Variants in UNC5C observed in about 807,000 individuals in gnomAD.
The protein encoded by UNC5C is unc-5 netrin receptor C, also known as netrin receptor UNC5C.
A neutral mutation model predicts 99.8 loss-of-function variants in UNC5C; 47 were observed. The ratio of observed to expected loss-of-function variants is 0.47; its 90% CI spans 0.37 to 0.60. UNC5C has a LOEUF of 0.60. UNC5C is among the 20% of genes least tolerant of loss of function. UNC5C has a pLI of 0.00. For missense variants in UNC5C, 1,062 were observed against 1,165.9 expected (o/e 0.91, Z 1.30); for synonymous variants, 487 against 452.2 (o/e 1.08, Z -0.98).
chr4:95,539,925 C>CTTT (rs61346866), intron 1 of UNC5C, among the ~76,000 whole-genome samples: 1 of 145,792 alleles, frequency 6.9e-6, no homozygotes, highest in African/African-American at 2.5e-5. Context: ...CATCCTTCTA[C>CTTT]TTTTTTTTTT....
chr4:95,331,060 G>A (rs923198465), intron 2 of UNC5C, among the ~76,000 whole-genome samples: 1 of 151,928 alleles, frequency 6.6e-6, no homozygotes, highest in East Asian at 1.9e-4. Flanking sequence ...GAGAATATGT[G>A]GCATTTATTA....
intron 1 of UNC5C, among the ~76,000 whole-genome samples, chr4:95,393,723 C>T (rs7679033): frequency 0.41 from 62,612 of 151,880 alleles, 13,345 homozygotes; most frequent in East Asian, 0.73. Flanking sequence ...ACATTCTTCC[C>T]GTGATCGCTT....
intron 1 of UNC5C, among the ~76,000 whole-genome samples, chr4:95,530,660 G>A (rs951911275): frequency 6.6e-6 from 1 of 152,072 alleles, no homozygotes; most frequent in Non-Finnish European, 1.5e-5. Context: ...AAGTGGTGCT[G>A]GCATCATCAA....
chr4:95,185,068 G>C lies in UNC5C; in HGVS notation c.2265C>G (p.Ser755Arg), dbSNP rs933309029. 3 of 1,611,676 alleles carry C rather than the reference G, an allele frequency of 1.9e-6. No individual in the cohort carries two copies. The highest frequency in any genetic ancestry group is 1.3e-5 in the African/African-American group (1 of 74,762). ...IHDIAHSLWK[S>R]KLLAKYQEIP... is the part of the protein sequence containing the mutation. Reference sequence around the variant, plus strand: ...TTACCTGATATTTAGCCAGCAATTTGCTCTTCCAGAGGGAATGGGCGATAT... The same window carrying C: ...TTACCTGATATTTAGCCAGCAATTTCCTCTTCCAGAGGGAATGGGCGATAT... Residue 755 changes from serine (S) to arginine (R), a missense_variant, in exon 13 of 16, where the codon AGC (serine) becomes AGG (arginine). Transcript: ENST00000453304.
intron 1 of UNC5C, among the ~76,000 whole-genome samples, chr4:95,444,218 C>T (rs1183832175): frequency 6.6e-6 from 1 of 152,302 alleles, no homozygotes; most frequent in East Asian, 1.9e-4. Context: ...ACCTCTTTCT[C>T]CTTTATTCAC....
chr4:95,507,932 GT>G (rs1721969471), intron 1 of UNC5C, among the ~76,000 whole-genome samples: 3 of 151,942 alleles, frequency 2.0e-5, no homozygotes, highest in African/African-American at 7.2e-5. Flanking sequence ...TAAGTCAAAT[GT>G]TTAGTATCAA....
rs541473780 is a variant in UNC5C at position 95,424,612 on chromosome 4, C to T, written c.125-88981G>A. ...TCTCGGCTCACTGCAAGCTCCACCT[C>T]CCGGGTTCATGCCATTCTCCTGCCT... On this transcript the variant is annotated intron_variant, in intron 1 of 15. Transcript: ENST00000453304. Among the ~76,000 whole-genome samples the T allele has an allele frequency of 3.4e-5, 5 of 147,962 alleles. No homozygotes were observed. In the East Asian group the frequency reaches 8.3e-4, roughly 25 times the overall value.
At chr4:95,308,012 G>A (rs1381477322) in intron 2 of UNC5C, among the ~76,000 whole-genome samples, 3 of 152,140 alleles carry the variant, frequency 2.0e-5, no homozygotes, top group African/African-American at 7.2e-5. Context: ...CTGGCATTAC[G>A]TTCAACAGTG....
At chr4:95,401,923 T>C (rs77463953) in intron 1 of UNC5C, among the ~76,000 whole-genome samples, 1,811 of 152,334 alleles carry the variant, frequency 0.012, 41 homozygotes, top group African/African-American at 0.041. Flanking sequence ...ATGTGGAATG[T>C]GTCAAGGATG....
chr4:95,308,468 G>A (rs1427028016), intron 2 of UNC5C, among the ~76,000 whole-genome samples: 2 of 151,768 alleles, frequency 1.3e-5, no homozygotes, highest in East Asian at 3.9e-4. Flanking sequence ...AACATTAATG[G>A]AAGGCCAGGT....
At chr4:95,382,380 A>G (rs1322104373) in intron 1 of UNC5C, among the ~76,000 whole-genome samples, 5 of 151,862 alleles carry the variant, frequency 3.3e-5, no homozygotes, top group African/African-American at 9.7e-5. Flanking sequence ...AGCTGAGGGA[A>G]GAAGATCACT....
chr4:95,171,363 C>A (rs1736096606), intron 14 of UNC5C, among the ~76,000 whole-genome samples: 1 of 150,076 alleles, frequency 6.7e-6, no homozygotes, highest in South Asian at 2.1e-4. Flanking sequence ...AGGTATATCT[C>A]CCAATGCTAT....
At chr4:95,356,781 T>A (rs28449226) in intron 1 of UNC5C, among the ~76,000 whole-genome samples, 1 of 151,942 alleles carries the variant, frequency 6.6e-6, no homozygotes, top group African/African-American at 2.4e-5. Context: ...AACTGGCAGT[T>A]ACAAAACTGT....
intron 4 of UNC5C, among the ~76,000 whole-genome samples, chr4:95,259,035 A>T (rs999378099): frequency 1.3e-5 from 2 of 151,846 alleles, no homozygotes; most frequent in African/African-American, 4.8e-5. Flanking sequence ...TGCTGGGATT[A>T]CAGGCGTGAG....
rs141513475 is a variant in UNC5C, at chr4:95,505,971, A to G, written c.124+42763T>C. ...AACTCTAAAGGGTTTTTTTTATTGA[A>G]AGTGCTACCAGAAGACTAGAAAATA... On this transcript the variant is annotated intron_variant, in intron 1 of 15. Transcript: ENST00000453304. Among the ~76,000 whole-genome samples the G allele has an allele frequency of 6.5e-3, 991 of 152,084 alleles. 13 individuals carry two copies. The highest frequency in any genetic ancestry group is 0.022 in the African/African-American group (925 of 41,518).
At chr4:95,180,859 GAAGA>G (rs1411826679) in intron 14 of UNC5C, among the ~76,000 whole-genome samples, 1 of 152,160 alleles carries the variant, frequency 6.6e-6, no homozygotes, top group African/African-American at 2.4e-5. Context: ...GCCCTGTTCA[GAAGA>G]AAGAAACCAC....
At chr4:95,216,240 T>A (rs2149366455) in intron 9 of UNC5C, 29 bp from the exon 10 acceptor site, 1 of 1,585,516 alleles carries the variant, frequency 6.3e-7, no homozygotes, top group Non-Finnish European at 8.6e-7. Context: ...AAGCAGTCAT[T>A]TAAGACTTTT....
chr4:95,374,474 A>G (rs1233746486), intron 1 of UNC5C, among the ~76,000 whole-genome samples: 1 of 151,912 alleles, frequency 6.6e-6, no homozygotes. Flanking sequence ...CTCTGTCCAC[A>G]CCCCTTACAA....
chr4:95,447,820 T>C (rs948526813), intron 1 of UNC5C, among the ~76,000 whole-genome samples: 1 of 152,128 alleles, frequency 6.6e-6, no homozygotes, highest in African/African-American at 2.4e-5. Flanking sequence ...TTTAGATTCA[T>C]TAAGACGCAA....
Sources: gnomAD v4.1 joint callset for allele counts (sites outside exome capture counted in the v4.1 genomes callset) on GRCh38, gnomAD v4.1.1 for gene constraint, MANE v1.5 for transcripts, NCBI Gene and HGNC (gene_info 2026-07-23, HGNC 2026-07-21) for gene names.